The following CGNL1 variants were observed in gnomAD, a reference collection of about 807,000 sequenced individuals.
The protein encoded by CGNL1 is cingulin-like protein 1.
CGNL1 carries 132 observed loss-of-function variants against 141.2 expected under a neutral mutation model. The ratio of observed to expected loss-of-function variants is 0.93; its 90% CI spans 0.81 to 1.08. CGNL1 has a LOEUF of 1.08. Among genes scored for constraint, CGNL1 ranks in the 50% least tolerant of loss-of-function variants. CGNL1 has a pLI of 0.00. For synonymous variants in CGNL1, 690 were observed against 622.1 expected, an observed-to-expected ratio of 1.11 and a Z score of -1.63; for missense variants, 1,870 against 1,588.6, an observed-to-expected ratio of 1.18 and a Z score of -3.01.
At chr15:57,443,524 A>G (rs1309965757) in intron 4 of CGNL1, among the ~76,000 whole-genome samples, 2 of 152,160 alleles carry the variant, frequency 1.3e-5, no homozygotes, top group African/African-American at 4.8e-5. Flanking sequence ...GCGTACATAC[A>G]GGGGATAATT....
intron 8 of CGNL1, among the ~76,000 whole-genome samples, chr15:57,484,782 C>G (rs1212258607): frequency 6.6e-6 from 1 of 152,108 alleles, no homozygotes; most frequent in African/African-American, 2.4e-5. Flanking sequence ...TTGTTCAACT[C>G]CCACTTATGA....
At chr15:57,529,143 G>A (rs949938243) in intron 13 of CGNL1, 44 of 191,588 alleles carry the variant, frequency 2.3e-4, no homozygotes, top group African/African-American at 1.0e-3. Flanking sequence ...CTTTGGGGCA[G>A]TGCTTCCAGC....
At chr15:57,419,250 TA>T (rs200776014) in intron 1 of CGNL1, among the ~76,000 whole-genome samples, 14 of 151,914 alleles carry the variant, frequency 9.2e-5, no homozygotes, top group African/African-American at 3.4e-4. Flanking sequence ...GACATTGCTT[TA>T]AAAAAAACCC....
At chr15:57,506,779 G>A (rs62000288) in intron 8 of CGNL1, among the ~76,000 whole-genome samples, 54,139 of 152,092 alleles carry the variant, frequency 0.36, 10,369 homozygotes, top group Middle Eastern at 0.46. Context: ...CTTACTATGT[G>A]TCTGAAACAT....
intron 7 of CGNL1, among the ~76,000 whole-genome samples, chr15:57,457,102 G>A (rs1280416): frequency 0.12 from 17,552 of 152,158 alleles, 1,578 homozygotes; most frequent in East Asian, 0.28. Context: ...GTCAGCTACC[G>A]TTGCTATAAA....
At chr15:57,399,329 A>G (rs2062634856) in intron 1 of CGNL1, among the ~76,000 whole-genome samples, 1 of 152,156 alleles carries the variant, frequency 6.6e-6, no homozygotes, top group Non-Finnish European at 1.5e-5. Flanking sequence ...TACCTTTCCT[A>G]GCCTCTAATA....
chr15:57,405,884 G>GTC (rs1172617314), intron 1 of CGNL1: 1 of 137,298 alleles, frequency 7.3e-6, no homozygotes, highest in Non-Finnish European at 1.6e-5. Context: ...CCGTCTGTCT[G>GTC]TCTCTCTCTG....
chr15:57,450,437 C>T (rs952924816), intron 4 of CGNL1, among the ~76,000 whole-genome samples: 8 of 152,054 alleles, frequency 5.3e-5, no homozygotes, highest in African/African-American at 1.2e-4. Context: ...CCACTACGCC[C>T]GGCTAATTTT....
At chr15:57,457,210 T>G (rs1364141131) in intron 7 of CGNL1, among the ~76,000 whole-genome samples, 4 of 152,238 alleles carry the variant, frequency 2.6e-5, no homozygotes, top group Admixed American at 1.3e-4. Flanking sequence ...GACTGGTGTC[T>G]TCCTCATTTT....
At chr15:57,431,263 C>G (rs1223233850) in intron 1 of CGNL1, among the ~76,000 whole-genome samples, 2 of 152,192 alleles carry the variant, frequency 1.3e-5, no homozygotes, top group African/African-American at 4.8e-5. Flanking sequence ...AGCAACTCTG[C>G]TTTCATTTCC....
chr15:57,458,964 C>T (rs771875125), intron 7 of CGNL1, among the ~76,000 whole-genome samples: 1 of 152,120 alleles, frequency 6.6e-6, no homozygotes, highest in African/African-American at 2.4e-5. Flanking sequence ...GGGATTGTAG[C>T]GGTTCCCCTG....
Position 57,524,737 on chromosome 15 carries a change from A to C in CGNL1, c.3025A>C (p.Lys1009Gln), listed in dbSNP as rs1362538531. ...AGAAAAGTCCCGACTGACAGCCATG[A>C]AAATGCAGGATGAGGTAATGCCTGG... ...EAEKSRLTAM[K>Q]MQDEMRLMEE... Residue 1009 changes from lysine to glutamine, a missense_variant, in exon 12 of 19, where the codon AAA becomes CAA. Physicochemically the swap from Lys to Gln is moderately conservative, Grantham distance 53. Coordinates refer to ENST00000281282, the MANE Select transcript of CGNL1 (RefSeq NM_032866.5). 1 of 1,614,048 alleles carries C rather than the reference A, an allele frequency of 6.2e-7. No individual in the cohort carries two copies. Among genetic ancestry groups the C allele is most frequent in the African/African-American group, 1.3e-5 (1 of 74,942 alleles).
chr15:57,381,720 A>G (rs1384692769), intron 1 of CGNL1, among the ~76,000 whole-genome samples: 1 of 152,178 alleles, frequency 6.6e-6, no homozygotes, highest in Non-Finnish European at 1.5e-5. Flanking sequence ...TTAACATCAC[A>G]GTCTCCTTAG....
chr15:57,430,295 T>C (rs1452588578), intron 1 of CGNL1, among the ~76,000 whole-genome samples: 1 of 152,200 alleles, frequency 6.6e-6, no homozygotes, highest in Non-Finnish European at 1.5e-5. Context: ...CAGGTGCCAT[T>C]ACTTGTCTTC....
chr15:57,433,332 C>G (rs1344007576), intron 1 of CGNL1, among the ~76,000 whole-genome samples: 1 of 152,170 alleles, frequency 6.6e-6, no homozygotes, highest in African/African-American at 2.4e-5. Context: ...CTTGTCAAAC[C>G]AGATAAGTTT....
intron 1 of CGNL1, among the ~76,000 whole-genome samples, chr15:57,433,642 AC>A (rs1242519418): frequency 2.0e-5 from 3 of 151,824 alleles, no homozygotes; most frequent in African/African-American, 7.3e-5. Flanking sequence ...GCATAATTAG[AC>A]CCTACACCCT....
intron 7 of CGNL1, among the ~76,000 whole-genome samples, chr15:57,458,869 T>C (rs1419514875): frequency 1.3e-5 from 2 of 152,256 alleles, no homozygotes; most frequent in Admixed American, 6.5e-5. Flanking sequence ...CATGGGTCTC[T>C]TGACATTTCT....
At chr15:57,537,614 AAC>A (rs2032332232) in intron 14 of CGNL1, among the ~76,000 whole-genome samples, 1 of 152,144 alleles carries the variant, frequency 6.6e-6, no homozygotes, top group South Asian at 2.1e-4. Flanking sequence ...CCCAATGATA[AAC>A]ACAGGTGATG....
chr15:57,385,331 C>G (rs1438107339), intron 1 of CGNL1, among the ~76,000 whole-genome samples: 2 of 152,150 alleles, frequency 1.3e-5, no homozygotes, highest in Non-Finnish European at 2.9e-5. Flanking sequence ...ATCAGGAGTT[C>G]AAGACCAGCC....
Sources: allele counts gnomAD v4.1 joint callset (sites outside exome capture counted in the v4.1 genomes callset), GRCh38; gene constraint gnomAD v4.1.1; transcripts MANE v1.5; gene names NCBI Gene and HGNC (gene_info 2026-07-23, HGNC 2026-07-21).